The following SH3RF3 variants were observed in gnomAD, a reference collection of about 807,000 sequenced individuals.
SH3RF3 encodes SH3 domain containing ring finger 3.
Under a neutral mutation model 66.3 loss-of-function variants are expected in SH3RF3, and 29 were observed. That is an observed-to-expected ratio of 0.44 (90% CI 0.33 to 0.60). SH3RF3 has a LOEUF of 0.60. Ranked by LOEUF, SH3RF3 falls within the 20% of genes least tolerant of loss-of-function variation. SH3RF3 has a pLI of 0.04. For missense variants in SH3RF3, 1,194 were observed against 1,190.9 expected (o/e 1.00, Z -0.04); for synonymous variants, 583 against 532.0 (o/e 1.10, Z -1.32).
chr2:109,405,428 C>T (rs1246241541), intron 4 of SH3RF3, among the ~76,000 whole-genome samples: 1 of 152,180 alleles, frequency 6.6e-6, no homozygotes, highest in East Asian at 1.9e-4. Flanking sequence ...TTCAGACTGG[C>T]CCTTGGTTGC....
At chr2:109,272,570 G>C (rs1242429542) in intron 1 of SH3RF3, among the ~76,000 whole-genome samples, 1 of 152,230 alleles carries the variant, frequency 6.6e-6, no homozygotes, top group Non-Finnish European at 1.5e-5. Flanking sequence ...TGGGCTGAAG[G>C]CTCAGAGCGC....
intron 1 of SH3RF3, among the ~76,000 whole-genome samples, chr2:109,261,852 GC>G: frequency 6.6e-6 from 1 of 152,128 alleles, no homozygotes; most frequent in Admixed American, 6.5e-5. Flanking sequence ...ACTGAGGCTT[GC>G]CTTTTTTTTT....
intron 8 of SH3RF3, among the ~76,000 whole-genome samples, chr2:109,459,149 T>A (rs1421720882): frequency 5.3e-5 from 8 of 152,104 alleles, no homozygotes; most frequent in African/African-American, 1.9e-4. Context: ...TACTATCATA[T>A]AATAATCATA....
chr2:109,495,353 C>G (rs1398878581), intron 9 of SH3RF3, among the ~76,000 whole-genome samples: 2 of 152,294 alleles, frequency 1.3e-5, no homozygotes, highest in East Asian at 3.9e-4. Flanking sequence ...GCCCCTCCTG[C>G]CCACTGGATG....
At chr2:109,431,959 TA>T (rs1450774176) in intron 5 of SH3RF3, among the ~76,000 whole-genome samples, 2 of 152,106 alleles carry the variant, frequency 1.3e-5, no homozygotes, top group Non-Finnish European at 2.9e-5. Context: ...ACCTTTCCCT[TA>T]AAAAGGGCCT....
At chr2:109,459,227 T>G (rs7419404) in intron 8 of SH3RF3, among the ~76,000 whole-genome samples, 3 of 151,950 alleles carry the variant, frequency 2.0e-5, no homozygotes, top group African/African-American at 7.3e-5. Flanking sequence ...AAGGTACTGC[T>G]TAATATACAC....
chr2:109,316,853 G>T (rs66648815), intron 1 of SH3RF3, among the ~76,000 whole-genome samples: 47,489 of 152,036 alleles, frequency 0.31, 9,201 homozygotes, highest in African/African-American at 0.55. Flanking sequence ...TTGTACTGTC[G>T]CTGTAGTTCT....
intron 1 of SH3RF3, among the ~76,000 whole-genome samples, chr2:109,247,680 C>G (rs1280461876): frequency 1.3e-5 from 2 of 152,194 alleles, no homozygotes; most frequent in East Asian, 3.8e-4. Context: ...TTTCTGATTG[C>G]CAGTGAAGGA....
intron 2 of SH3RF3, among the ~76,000 whole-genome samples, chr2:109,349,383 C>T (rs1039418993): frequency 3.3e-5 from 5 of 152,192 alleles, no homozygotes; most frequent in South Asian, 2.1e-4. Flanking sequence ...CACAGCTTCC[C>T]GGGAAACTGC....
intron 1 of SH3RF3, among the ~76,000 whole-genome samples, chr2:109,207,475 T>C (rs1256171855): frequency 6.6e-6 from 1 of 152,240 alleles, no homozygotes; most frequent in Admixed American, 6.5e-5. Flanking sequence ...TATGTAATAA[T>C]GTTATGCAGC....
intron 3 of SH3RF3, among the ~76,000 whole-genome samples, chr2:109,382,465 G>A (rs551441941): frequency 9.2e-5 from 14 of 152,122 alleles, no homozygotes; most frequent in Non-Finnish European, 2.1e-4. Flanking sequence ...GACGTGGTTG[G>A]CCTTTCCTCA....
At chr2:109,318,292 TGCTC>T (rs1681934461) in intron 1 of SH3RF3, among the ~76,000 whole-genome samples, 1 of 152,074 alleles carries the variant, frequency 6.6e-6, no homozygotes, top group African/African-American at 2.4e-5. Flanking sequence ...TCCATGCGAC[TGCTC>T]CTCCTAGCGT....
At chr2:109,491,385 C>T (rs1679127558) in intron 9 of SH3RF3, among the ~76,000 whole-genome samples, 1 of 152,216 alleles carries the variant, frequency 6.6e-6, no homozygotes, top group African/African-American at 2.4e-5. Context: ...TGTGATGTTA[C>T]TCAAGACGGC....
intron 4 of SH3RF3, among the ~76,000 whole-genome samples, chr2:109,416,019 T>C (rs11678029): frequency 0.72 from 108,835 of 152,110 alleles, 40,460 homozygotes; most frequent in African/African-American, 0.91. Flanking sequence ...CCTCGTCATG[T>C]GATGCTCTGC....
At chr2:109,401,706 C>T (rs571293392) in intron 4 of SH3RF3, among the ~76,000 whole-genome samples, 18 of 152,320 alleles carry the variant, frequency 1.2e-4, no homozygotes, top group Admixed American at 8.5e-4. Flanking sequence ...GCTCAGCACA[C>T]ACAGGTACAG....
intron 1 of SH3RF3, among the ~76,000 whole-genome samples, chr2:109,338,086 T>G (rs919394426): frequency 2.0e-5 from 3 of 152,150 alleles, no homozygotes; most frequent in Non-Finnish European, 4.4e-5. Flanking sequence ...TGTGGAGAAC[T>G]TTAGTAAACA....
At chr2:109,382,531 G>A (rs1675720965) in intron 3 of SH3RF3, among the ~76,000 whole-genome samples, 1 of 152,186 alleles carries the variant, frequency 6.6e-6, no homozygotes, top group South Asian at 2.1e-4. Flanking sequence ...TCTTGCAGCT[G>A]TGTCCCCAGG....
chr2:109,332,973 A>C (rs910213344), intron 1 of SH3RF3, among the ~76,000 whole-genome samples: 1 of 152,232 alleles, frequency 6.6e-6, no homozygotes, highest in Non-Finnish European at 1.5e-5. Context: ...CAACATCAGC[A>C]GGATGCAGAA....
chr2:109,139,613 G>A (rs900757232), intron 1 of SH3RF3, among the ~76,000 whole-genome samples: 2 of 152,054 alleles, frequency 1.3e-5, no homozygotes, highest in South Asian at 2.1e-4. Context: ...CTGCTGTCTC[G>A]GTTTGACAAA....
Sources: gnomAD v4.1 joint callset for allele counts (sites outside exome capture counted in the v4.1 genomes callset) on GRCh38, gnomAD v4.1.1 for gene constraint, MANE v1.5 for transcripts, NCBI Gene and HGNC (gene_info 2026-07-23, HGNC 2026-07-21) for gene names.